Variants in SEMA3A observed in about 807,000 individuals in gnomAD.
SEMA3A encodes semaphorin-3A.
SEMA3A carries 29 observed loss-of-function variants against 97.9 expected under a neutral mutation model. The ratio of observed to expected loss-of-function variants is 0.30; its 90% CI spans 0.22 to 0.40. SEMA3A has a LOEUF of 0.40. Ranked by LOEUF, SEMA3A falls within the 10% of genes least tolerant of loss-of-function variation. SEMA3A has a pLI of 1.00. For synonymous variants in SEMA3A, 321 were observed against 323.7 expected (o/e 0.99, Z 0.09); for missense variants, 763 against 951.3 (o/e 0.80, Z 2.60).
chr7:84,407,777 A>G (rs1804140810), intron 1 of SEMA3A, among the ~76,000 whole-genome samples: 1 of 152,228 alleles, frequency 6.6e-6, no homozygotes, highest in Admixed American at 6.5e-5. Context: ...AAACCTGACA[A>G]AAACGAGCAA....
intron 4 of SEMA3A, among the ~76,000 whole-genome samples, chr7:84,104,461 G>T (rs1859491): frequency 0.43 from 65,000 of 151,784 alleles, 14,999 homozygotes; most frequent in Admixed American, 0.53. Context: ...GTAAAAAACT[G>T]TACAATTGAA....
intron 1 of SEMA3A, among the ~76,000 whole-genome samples, chr7:84,462,259 C>A (rs1805866023): frequency 6.6e-6 from 1 of 151,938 alleles, no homozygotes; most frequent in Non-Finnish European, 1.5e-5. Context: ...TGGCCTGATT[C>A]TCAGCAAATA....
intron 1 of SEMA3A, among the ~76,000 whole-genome samples, chr7:84,444,493 G>A (rs140382834): frequency 6.6e-6 from 1 of 151,738 alleles, no homozygotes; most frequent in Non-Finnish European, 1.5e-5. Flanking sequence ...TAAATTAGAT[G>A]AGCCATTGCT....
intron 1 of SEMA3A, among the ~76,000 whole-genome samples, chr7:84,141,784 G>T (rs141655103): frequency 6.6e-6 from 1 of 152,240 alleles, no homozygotes; most frequent in Non-Finnish European, 1.5e-5. Flanking sequence ...AGAACATGCA[G>T]TATTTGGTTT....
chr7:84,439,017 G>C (rs988104986), intron 1 of SEMA3A, among the ~76,000 whole-genome samples: 4 of 151,344 alleles, frequency 2.6e-5, no homozygotes, highest in Non-Finnish European at 5.9e-5. Context: ...TGTGTCAGAG[G>C]GGCCTGAGCA....
At chr7:84,348,256 T>C (rs1802351453) in intron 2 of SEMA3A, among the ~76,000 whole-genome samples, 1 of 152,222 alleles carries the variant, frequency 6.6e-6, no homozygotes, top group Non-Finnish European at 1.5e-5. Flanking sequence ...TCTAATTAAT[T>C]AAGCATTGTT....
intron 3 of SEMA3A, among the ~76,000 whole-genome samples, chr7:84,284,950 G>T (rs1413730917): frequency 6.6e-6 from 1 of 152,066 alleles, no homozygotes; most frequent in Non-Finnish European, 1.5e-5. Flanking sequence ...GTGTTTTCTT[G>T]CAATTAGATG....
rs1362533329 is a variant in SEMA3A, at chr7:84,161,829, C to T, written c.113-26878G>A. 2.0e-5 allele frequency among the ~76,000 whole-genome samples: 3 copies of T among 152,118 alleles called. No individual in the cohort carries two copies. In the East Asian group the frequency reaches 5.8e-4, roughly 29 times the overall value. ...TAAGAAGAGATGATATGAGTATATT[C>T]TATTTTTAAAATATTCTAGAAAAAC... On this transcript the variant is annotated intron_variant, in intron 1 of 16. Coordinates refer to ENST00000265362, the MANE Select transcript of SEMA3A (RefSeq NM_006080.3).
intron 3 of SEMA3A, among the ~76,000 whole-genome samples, chr7:84,200,970 T>G (rs189400570): frequency 2.2e-4 from 34 of 152,034 alleles, no homozygotes; most frequent in African/African-American, 8.2e-4. Context: ...GGCTATCGGG[T>G]GTTTCAGGAT....
chr7:84,360,647 C>G (rs182049512), intron 2 of SEMA3A, among the ~76,000 whole-genome samples: 3 of 152,006 alleles, frequency 2.0e-5, no homozygotes, highest in Non-Finnish European at 4.4e-5. Flanking sequence ...CATGTCAAGA[C>G]GAGTGTAGTA....
intron 4 of SEMA3A, among the ~76,000 whole-genome samples, chr7:84,062,550 C>A (rs185806863): frequency 2.0e-5 from 3 of 152,290 alleles, no homozygotes; most frequent in East Asian, 3.9e-4. Context: ...GGGCATAGGT[C>A]AGTGGGTGCG....
intron 3 of SEMA3A, among the ~76,000 whole-genome samples, chr7:84,224,100 C>G (rs1798938041): frequency 6.6e-6 from 1 of 151,912 alleles, no homozygotes; most frequent in African/African-American, 2.4e-5. Context: ...AATTTTCTCA[C>G]ACATTTCCCC....
intron 4 of SEMA3A, among the ~76,000 whole-genome samples, chr7:84,087,235 C>T (rs1794410058): frequency 6.6e-6 from 1 of 152,096 alleles, no homozygotes; most frequent in Non-Finnish European, 1.5e-5. Context: ...AATCATGGCT[C>T]TGTGATTCAT....
In SEMA3A at chr7:84,480,414, C is replaced by T. The variant is rs1806415968; in HGVS notation, c.-246+12046G>A. On this transcript the variant is annotated intron_variant, in intron 1 of 3. Coordinates refer to the SEMA3A transcript ENST00000424555. Reference sequence around the variant, plus strand: ...TTAAAACTGCTCGTAGGGAATCTTTCCATTCAGTAATTTTCTTCCATTAGC... The same window carrying T: ...TTAAAACTGCTCGTAGGGAATCTTTTCATTCAGTAATTTTCTTCCATTAGC... Among the ~76,000 whole-genome samples the T allele has an allele frequency of 3.9e-5, 6 of 152,278 alleles. No homozygotes were observed. In the South Asian group the frequency reaches 1.0e-3, roughly 26 times the overall value.
intron 3 of SEMA3A, among the ~76,000 whole-genome samples, chr7:84,227,913 G>C (rs112947981): frequency 6.6e-6 from 1 of 151,754 alleles, no homozygotes; most frequent in South Asian, 2.1e-4. Flanking sequence ...GTGTGCGTGC[G>C]TGTGTGTGTC....
At chr7:84,489,748 C>CT (rs11400113) in intron 1 of SEMA3A, among the ~76,000 whole-genome samples, 66,850 of 151,766 alleles carry the variant, frequency 0.44, 16,085 homozygotes, top group East Asian at 0.62. Flanking sequence ...AATTGAACTC[C>CT]TTTTTTCTAC....
intron 1 of SEMA3A, among the ~76,000 whole-genome samples, chr7:84,186,593 T>C (rs1475561237): frequency 6.6e-6 from 1 of 152,170 alleles, no homozygotes; most frequent in Non-Finnish European, 1.5e-5. Context: ...GTTTTAGCTA[T>C]GCCCAAATAC....
At chr7:84,356,104 G>A (rs1802554134) in intron 2 of SEMA3A, among the ~76,000 whole-genome samples, 1 of 151,812 alleles carries the variant, frequency 6.6e-6, no homozygotes, top group Non-Finnish European at 1.5e-5. Context: ...ACAATAAATA[G>A]TACAGATATT....
intron 1 of SEMA3A, among the ~76,000 whole-genome samples, chr7:84,486,720 A>G (rs1806583076): frequency 1.3e-5 from 2 of 152,202 alleles, no homozygotes; most frequent in African/African-American, 2.4e-5. Context: ...CTCTTTATAG[A>G]GAATTTTGGA....
Sources: allele counts gnomAD v4.1 joint callset (sites outside exome capture counted in the v4.1 genomes callset), GRCh38; gene constraint gnomAD v4.1.1; transcripts MANE v1.5; gene names NCBI Gene and HGNC (gene_info 2026-07-23, HGNC 2026-07-21).